LARGE1: variants seen among roughly 807,000 people sequenced by gnomAD.
LARGE1 encodes LARGE xylosyl- and glucuronyltransferase 1, also known as xylosyl- and glucuronyltransferase LARGE1.
A neutral mutation model predicts 87.6 loss-of-function variants in LARGE1; 43 were observed. That is an observed-to-expected ratio of 0.49 (90% CI 0.38 to 0.63). The LOEUF is 0.63. Ranked by LOEUF, LARGE1 falls within the 30% of genes least tolerant of loss-of-function variation. The pLI is 0.00. For synonymous variants in LARGE1, 434 were observed against 394.6 expected (o/e 1.10, Z -1.18); for missense variants, 802 against 1,000.2 (o/e 0.80, Z 2.67).
chr22:33,241,894 G>GA (rs1926542506), intron 11 of LARGE1, among the ~76,000 whole-genome samples: 1 of 152,100 alleles, frequency 6.6e-6, no homozygotes, highest in African/African-American at 2.4e-5. Context: ...TCAAAGGGTA[G>GA]AAAGTTTCAT....
In LARGE1 at chr22:33,433,082, T is replaced by C. The variant is rs1196663609; in HGVS notation, c.788-817A>G. ...CACCTGGCTCCTTTAGACAACTCCA[T>C]CATGCAGAAGGCCTTCTCTTGCAAT... On this transcript the variant is annotated intron_variant, in intron 6 of 14. Transcript: ENST00000397394. Among the ~76,000 whole-genome samples the C allele has an allele frequency of 2.0e-5, 3 of 152,272 alleles. No homozygotes were observed. In the East Asian group the frequency reaches 5.8e-4, roughly 29 times the overall value.
intron 9 of LARGE1, among the ~76,000 whole-genome samples, chr22:33,367,169 G>C (rs922236646): frequency 6.6e-6 from 1 of 151,532 alleles, no homozygotes; most frequent in Non-Finnish European, 1.5e-5. Context: ...CACCAACTGA[G>C]ACTGTTTGCT....
chr22:33,573,615 G>A (rs1038277841), intron 5 of LARGE1, among the ~76,000 whole-genome samples: 2 of 152,178 alleles, frequency 1.3e-5, no homozygotes, highest in African/African-American at 4.8e-5. Flanking sequence ...CATGGCTGAC[G>A]TTCTCAAGGA....
At chr22:33,741,212 C>A (rs2083868110) in intron 2 of LARGE1, among the ~76,000 whole-genome samples, 1 of 152,176 alleles carries the variant, frequency 6.6e-6, no homozygotes, top group African/African-American at 2.4e-5. Context: ...CTTCTGGACC[C>A]CAGCATTTAA....
At chr22:33,762,441 G>T (rs1479102166) in intron 1 of LARGE1, among the ~76,000 whole-genome samples, 1 of 152,000 alleles carries the variant, frequency 6.6e-6, no homozygotes, top group African/African-American at 2.4e-5. Context: ...CAATGGTATC[G>T]ACTAAAGAGC....
At chr22:33,910,666 G>A (rs1392514224) in intron 1 of LARGE1, among the ~76,000 whole-genome samples, 2 of 152,110 alleles carry the variant, frequency 1.3e-5, no homozygotes, top group Non-Finnish European at 1.5e-5. Flanking sequence ...GATCAACGTT[G>A]GCTGAGCAAG....
intron 2 of LARGE1, among the ~76,000 whole-genome samples, chr22:33,711,952 T>G (rs893612348): frequency 6.6e-6 from 1 of 152,182 alleles, no homozygotes; most frequent in Non-Finnish European, 1.5e-5. Flanking sequence ...TGAGCCACCG[T>G]GCCTGACCTA....
At chr22:33,695,718 G>T (rs2082222701) in intron 2 of LARGE1, among the ~76,000 whole-genome samples, 2 of 152,120 alleles carry the variant, frequency 1.3e-5, no homozygotes, top group Non-Finnish European at 1.5e-5. Flanking sequence ...ATTCAATAAT[G>T]TTTATGGGTT....
At chr22:33,591,207 CA>C (rs1469403293) in intron 5 of LARGE1, among the ~76,000 whole-genome samples, 1 of 152,168 alleles carries the variant, frequency 6.6e-6, no homozygotes. Context: ...CTCAAACAAA[CA>C]AACAAAAAAG....
At chr22:33,104,895 CTTTCTTTCTTTCTTTCTTTCTT>C in the LARGE1 span, among the ~76,000 whole-genome samples, 60 of 56,482 alleles carry the variant, frequency 1.1e-3, 2 homozygotes, top group East Asian at 2.6e-3. Flanking sequence ...CTCTCTCTTT[CTTTCTTTCTTTCTTTCTTTCTT>C]TCTTTCTTTC....
At chr22:33,760,727 C>T (rs2084697302) in intron 2 of LARGE1, among the ~76,000 whole-genome samples, 1 of 152,148 alleles carries the variant, frequency 6.6e-6, no homozygotes, top group African/African-American at 2.4e-5. Flanking sequence ...GGAGACCATC[C>T]TGGCCAACAT....
intron 2 of LARGE1, among the ~76,000 whole-genome samples, chr22:33,731,494 C>T (rs1242373894): frequency 1.3e-5 from 2 of 152,124 alleles, no homozygotes; most frequent in African/African-American, 4.8e-5. Context: ...AGATGCCATA[C>T]TCAAACTGGG....
intron 9 of LARGE1, among the ~76,000 whole-genome samples, chr22:33,339,563 G>C (rs73401467): frequency 0.13 from 19,906 of 151,900 alleles, 2,710 homozygotes; most frequent in African/African-American, 0.35. Flanking sequence ...TGCAAAACTA[G>C]AGCCTAGGAT....
chr22:33,240,700 T>C (rs1029956139), intron 11 of LARGE1, among the ~76,000 whole-genome samples: 2 of 152,214 alleles, frequency 1.3e-5, no homozygotes, highest in East Asian at 1.9e-4. Flanking sequence ...GGGATTTTGA[T>C]TGGCATTGCA....
intron 5 of LARGE1, among the ~76,000 whole-genome samples, chr22:33,591,965 G>A (rs1448296461): frequency 6.6e-6 from 1 of 150,616 alleles, no homozygotes; most frequent in Non-Finnish European, 1.5e-5. Flanking sequence ...ATTTGAGGCT[G>A]CAGTGAGCTA....
intron 1 of LARGE1, among the ~76,000 whole-genome samples, chr22:33,889,693 C>A (rs936356818): frequency 1.3e-5 from 2 of 152,228 alleles, no homozygotes; most frequent in South Asian, 2.1e-4. Context: ...GCAATACTCA[C>A]GGAGGCACCT....
intron 1 of LARGE1, chr22:33,889,209 C>T (rs1033618626): frequency 1.3e-5 from 2 of 152,136 alleles, no homozygotes; most frequent in Non-Finnish European, 2.9e-5. Flanking sequence ...CCTCATTCAA[C>T]AGAAATGGAA....
chr22:33,737,090 C>T lies in LARGE1; in HGVS notation c.106+24281G>A, dbSNP rs115217602. On this transcript the variant is annotated intron_variant, in intron 2 of 14. Coordinates refer to ENST00000397394, the MANE Select transcript of LARGE1 (RefSeq NM_133642.5). ...TCTTCACAGAAGACTGTGGCACCCC[C>T]ACGTAAACAGTCAGATTCAGATGTG... 2.3e-3 allele frequency among the ~76,000 whole-genome samples: 349 copies of T among 152,274 alleles called. 1 individual carries two copies. The highest frequency in any genetic ancestry group is 8.1e-3 in the African/African-American group (335 of 41,556).
At chr22:33,636,216 T>C (rs1028754716) in intron 3 of LARGE1, among the ~76,000 whole-genome samples, 12 of 152,226 alleles carry the variant, frequency 7.9e-5, no homozygotes, top group South Asian at 4.2e-4. Context: ...TTGTAATCAA[T>C]ACAGGGAGAT....
Sources: allele counts gnomAD v4.1 joint callset (sites outside exome capture counted in the v4.1 genomes callset), GRCh38; gene constraint gnomAD v4.1.1; transcripts MANE v1.5; gene names NCBI Gene and HGNC (gene_info 2026-07-23, HGNC 2026-07-21).